The following ARFRP1 variants were observed in gnomAD, a reference collection of about 807,000 sequenced individuals.
The protein encoded by ARFRP1 is ADP-ribosylation factor-related protein 1.
ARFRP1 carries 19 observed loss-of-function variants against 30.3 expected under a neutral mutation model. That is an observed-to-expected ratio of 0.63 (90% CI 0.44 to 0.92). The LOEUF (loss-of-function observed/expected upper bound fraction) is 0.92, where lower values mean the gene tolerates loss of function less well. Among genes scored for constraint, ARFRP1 ranks in the 40% least tolerant of loss-of-function variants. ARFRP1 has a pLI of 0.00. For missense variants in ARFRP1, 245 were observed against 267.5 expected (o/e 0.92, Z 0.59); for synonymous variants, 133 against 114.2 (o/e 1.16, Z -1.05).
intron 6 of ARFRP1, chr20:63,701,519 C>T (rs1040812903): frequency 5.5e-6 from 3 of 548,882 alleles, no homozygotes. Flanking sequence ...TGAGTTTCAC[C>T]TGGGTGTCCC....
At position 63,699,663 on chromosome 20, in the gene ARFRP1, GAC is replaced by G; in HGVS notation, c.*778_*779del. Reference sequence around the variant, plus strand: ...GGACCAGCCTTACTCCCGAGCAGGGGACACAGGGCCCCACAGAGAACCCCTCC... The same window carrying G: ...GGACCAGCCTTACTCCCGAGCAGGGGACAGGGCCCCACAGAGAACCCCTCC... On this transcript the variant is annotated 3_prime_UTR_variant, in exon 8 of 8. Coordinates refer to ENST00000622789, the MANE Select transcript of ARFRP1 (RefSeq NM_001267547.3). 6.5e-6 allele frequency: 1 copy of G among 152,926 alleles called. No homozygotes were observed. The highest frequency in any genetic ancestry group is 1.5e-5 in the Non-Finnish European group (1 of 68,536). 9.5% of individuals were successfully genotyped at this position (152,926 alleles called of 1,614,324 possible).
intron 6 of ARFRP1, 160 bp from the exon 7 acceptor site, chr20:63,700,862 CCT>C: frequency 1.0e-6 from 1 of 993,282 alleles, no homozygotes; most frequent in Non-Finnish European, 1.5e-6. Flanking sequence ...CAGTGAGGAC[CCT>C]GTGCTCAGCC....
Position 63,700,371 on chromosome 20 carries a change from G to C in ARFRP1, c.*72C>G, listed in dbSNP as rs537595928. 17 of 1,589,066 alleles carry C rather than the reference G, an allele frequency of 1.1e-5. 1 individual carries two copies. The South Asian group carries it at 1.8e-4, about 17-fold the overall frequency. On this transcript the variant is annotated 3_prime_UTR_variant, in exon 8 of 8. Transcript: ENST00000622789. ...AGCAAACCCACCCCCCAGATCAGCAGCATGGGAGCCAACAGGAGGCCACTC... is the reference window on the plus strand; with the variant it reads ...AGCAAACCCACCCCCCAGATCAGCACCATGGGAGCCAACAGGAGGCCACTC...
intron 6 of ARFRP1, 81 bp from the exon 7 acceptor site, chr20:63,700,783 T>G (rs1202907236): frequency 7.8e-6 from 12 of 1,536,482 alleles, no homozygotes; most frequent in Admixed American, 1.9e-5. Flanking sequence ...CAGAAGGGCG[T>G]ATGCCCTTCA....
Position 63,702,300 on chromosome 20 carries a change from G to A in ARFRP1, c.265-83C>T. ...GCCAGGCCTGTGTCATGGCCACAGT[G>A]AGGGGCTCACATGAGGAAGGGGCAA... On this transcript the variant is annotated intron_variant, in intron 4 of 7. Transcript: ENST00000622789. 9 of 1,344,600 alleles carry A rather than the reference G, an allele frequency of 6.7e-6. No individual in the cohort carries two copies. In the South Asian group the frequency reaches 9.7e-5, roughly 14 times the overall value. 83.3% of individuals were successfully genotyped at this position (1,344,600 alleles called of 1,614,324 possible). A position where few individuals can be genotyped will look rare whatever the true frequency, so the allele number is the denominator to read the frequency against.
chr20:63,702,579 G>GT (rs2091267273), intron 4 of ARFRP1: 2 of 301,308 alleles, frequency 6.6e-6, no homozygotes, highest in East Asian at 1.7e-4. Flanking sequence ...GTGAGACTCC[G>GT]TCTGTACAAA....
intron 4 of ARFRP1, chr20:63,702,537 G>A: frequency 2.7e-6 from 1 of 365,524 alleles, no homozygotes; most frequent in South Asian, 2.8e-5. Flanking sequence ...AGGATCACCT[G>A]AGCCCACTTC....
At position 63,702,123 on chromosome 20, in the gene ARFRP1, A is replaced by G; in HGVS notation, c.346+13T>C. On this transcript the variant is annotated intron_variant, in intron 5 of 7. Transcript: ENST00000622789. ...ACCATCCATCCCTCCCAGAGCAGCCAGGCCGCACTCACCAAACGCCTGCTT... is the reference window on the plus strand; with the variant it reads ...ACCATCCATCCCTCCCAGAGCAGCCGGGCCGCACTCACCAAACGCCTGCTT... 1 of 1,609,300 alleles carries G rather than the reference A, an allele frequency of 6.2e-7. No homozygotes were observed. The highest frequency in any genetic ancestry group is 8.5e-7 in the Non-Finnish European group (1 of 1,178,848).
chr20:63,701,736 G>A lies in ARFRP1; in HGVS notation c.417+94C>T, dbSNP rs1601242194. On this transcript the variant is annotated intron_variant, in intron 6 of 7. Transcript: ENST00000622789. ...GCTCTGTACCCCCTGGGCAGTCACT[G>A]GGCCTGGGGTGTCTGGGTGCACACC... 8.3e-6 allele frequency: 10 copies of A among 1,204,728 alleles called. 1 individual carries two copies. In the East Asian group the frequency reaches 2.5e-4, roughly 31 times the overall value. The allele number at this position is 1,204,728 out of a possible 1,614,324, so 74.6% of individuals were successfully genotyped here.
At chr20:63,701,742 G>A (rs1461231317) in intron 6 of ARFRP1, 88 bp downstream of exon 6, 2 of 1,259,662 alleles carry the variant, frequency 1.6e-6, no homozygotes, top group African/African-American at 3.0e-5. Context: ...CACTGGGCCT[G>A]GGGTGTCTGG....
rs895269379 is a variant in ARFRP1 at position 63,699,134 on chromosome 20, G to A, written c.*1309C>T. 2 of 152,196 alleles carry A rather than the reference G, an allele frequency of 1.3e-5. No homozygotes were observed. Among genetic ancestry groups the A allele is most frequent in the Non-Finnish European group, 2.9e-5 (2 of 68,066 alleles). The allele number at this position is 152,196 out of a possible 1,614,324, so 9.4% of individuals were successfully genotyped here. ...TCCCGATGCACCCAGAGCAACCGGG[G>A]GGCTGCACCAGCCACTCGCCTCCCC... On this transcript the variant is annotated 3_prime_UTR_variant, in exon 8 of 8. Coordinates refer to ENST00000622789, the MANE Select transcript of ARFRP1 (RefSeq NM_001267547.3).
intron 4 of ARFRP1, chr20:63,705,715 G>A (rs1202452077): frequency 1.9e-6 from 1 of 533,112 alleles, no homozygotes; most frequent in African/African-American, 1.9e-5. Context: ...TCAGCAGCAA[G>A]GTCTCTGAGC....
chr20:63,707,208 G>C (rs1303375566), intron 1 of ARFRP1, 111 bp from the exon 2 acceptor site: 1 of 878,884 alleles, frequency 1.1e-6, no homozygotes, highest in Non-Finnish European at 1.8e-6. Context: ...CAGGACGAGA[G>C]CCTGGGGGCC....
rs745568942 is a variant in ARFRP1 at position 63,701,265 on chromosome 20, G to T, written c.418-563C>A. The T allele has an allele frequency of 2.6e-5, 13 of 509,326 alleles. No individual in the cohort carries two copies. In the African/African-American group the frequency reaches 3.1e-4, roughly 12 times the overall value. The allele number at this position is 509,326 out of a possible 1,614,324, so 31.6% of individuals were successfully genotyped here. A position where few individuals can be genotyped will look rare whatever the true frequency, so the allele number is the denominator to read the frequency against. On this transcript the variant is annotated intron_variant, in intron 6 of 7. Transcript: ENST00000622789. The stretch of plus-strand genomic sequence containing the variant: ...CTGGGGGCAACAGAGCCACCCCAGA[G>T]AAGGCAGGAAGTGAAGATTCACCTG...
Position 63,706,999 on chromosome 20 carries a change from C to T in ARFRP1, c.93G>A (p.Thr31=), listed in dbSNP as rs1229230850. 6.2e-6 allele frequency: 10 copies of T among 1,613,486 alleles called. No individual in the cohort carries two copies. In the Admixed American group the frequency reaches 1.3e-4, roughly 22 times the overall value. Residue 31 remains threonine (T), a splice_region_variant and synonymous_variant, in exon 2 of 8, where the codon ACG becomes ACA. Transcript: ENST00000622789. ...LILGLDNAGK[T]TFLEQSKTRF... ...TGCGCGCAAGGGCGTGGGCACTCAC[C>T]GTCTTCCCAGCATTGTCCAGGCCCA...
Position 63,700,719 on chromosome 20 carries a change from C to T in ARFRP1, c.418-17G>A, listed in dbSNP as rs375170087. 7.5e-6 allele frequency: 12 copies of T among 1,608,688 alleles called. No individual in the cohort carries two copies. Among genetic ancestry groups the T allele is most frequent in the African/African-American group, 4.0e-5 (3 of 74,822 alleles). On this transcript the variant is annotated splice_polypyrimidine_tract_variant and intron_variant, in intron 6 of 7. Transcript: ENST00000622789. Reference sequence around the variant, plus strand: ...GAGGCACGTCTGGGGGAGGTAAGGCCGTGAGGAGCAGCCCCCACGTCTGGC... The same window carrying T: ...GAGGCACGTCTGGGGGAGGTAAGGCTGTGAGGAGCAGCCCCCACGTCTGGC...
intron 4 of ARFRP1, chr20:63,705,678 CTT>C (rs762754820): frequency 1.9e-6 from 1 of 533,248 alleles, no homozygotes; most frequent in East Asian, 5.4e-5. Context: ...CACATCTGGT[CTT>C]TGCCATTTCT....
Position 63,698,803 on chromosome 20 carries a change from G to C in ARFRP1, c.*1640C>G, listed in dbSNP as rs2091049563. The C allele has an allele frequency of 2.3e-6, 1 of 439,604 alleles. No individual in the cohort carries two copies. Among genetic ancestry groups the C allele is most frequent in the Non-Finnish European group, 3.9e-6 (1 of 254,908 alleles). 27.2% of individuals were successfully genotyped at this position (439,604 alleles called of 1,614,324 possible). ...GCTGCCCGGGGCTTCCCCTACCTCAGACAGACCCTCCCTGGGAGGATCAGT... is the reference window on the plus strand; with the variant it reads ...GCTGCCCGGGGCTTCCCCTACCTCACACAGACCCTCCCTGGGAGGATCAGT... On this transcript the variant is annotated 3_prime_UTR_variant, in exon 8 of 8. Transcript: ENST00000622789.
chr20:63,703,732 A>C (rs751656600), intron 4 of ARFRP1: 1 of 152,234 alleles, frequency 6.6e-6, no homozygotes, highest in Admixed American at 6.5e-5. Flanking sequence ...TTCATGTGCA[A>C]CCGGGTCCTG....
Sources: gnomAD v4.1 joint callset for allele counts on GRCh38, gnomAD v4.1.1 for gene constraint, MANE v1.5 for transcripts, NCBI Gene and HGNC (gene_info 2026-07-23, HGNC 2026-07-21) for gene names.